The following ATRX variants were observed in gnomAD, a reference collection of about 807,000 sequenced individuals.
The protein encoded by ATRX is chromatin remodeler ATRX.
ATRX carries 12 observed loss-of-function variants against 172.6 expected under a neutral mutation model. The observed-to-expected ratio is 0.07, with a 90% CI of 0.04 to 0.11. The LOEUF (loss-of-function observed/expected upper bound fraction) is 0.11. Ranked by LOEUF, ATRX falls within the 10% of genes least tolerant of loss-of-function variation. The pLI, the probability that ATRX is intolerant of heterozygous loss-of-function variation, is 1.00. For missense variants in ATRX, 1,368 were observed against 1,767.4 expected, an observed-to-expected ratio of 0.77 and a Z score of 4.05; for synonymous variants, 674 against 594.7, an observed-to-expected ratio of 1.13 and a Z score of -1.94.
chrX:77,683,639 C>T lies in ATRX; in HGVS notation c.1617G>A (p.Gln539=), dbSNP rs151072312. 2.4e-5 allele frequency: 29 copies of T among 1,209,911 alleles called. No homozygotes were observed. The highest frequency in any genetic ancestry group is 3.1e-5 in the Non-Finnish European group (28 of 895,056). The change falls in exon 9 of 35, where the codon CAG becomes CAA. Residue 539 remains glutamine (Q), a synonymous_variant. Transcript: ENST00000373344. ...FENLETAMEV[Q]SSVDHQGDGS... is the part of the protein sequence containing the mutation. ...CATCCCCTTGATGATCAACTGAACT[C>T]TGAACTTCCATAGCAGTCTCAAGAT...
chrX:77,543,400 G>A (rs2064095416), intron 30 of ATRX, among the ~76,000 whole-genome samples: 1 of 111,978 alleles, frequency 8.9e-6, no homozygotes, highest in South Asian at 3.7e-4. Context: ...ACAATGTGGC[G>A]ATTCCTCAAG....
rs149232501 is a variant in ATRX, at chrX:77,682,450, C to G, written c.2806G>C (p.Val936Leu). 53 of 1,209,510 alleles carry G rather than the reference C, an allele frequency of 4.4e-5. No homozygotes were observed. In the East Asian group the frequency reaches 1.5e-3, roughly 34 times the overall value. The change falls in exon 9 of 35, where the codon GTT becomes CTT. Residue 936 changes from valine to leucine, a missense_variant. Val to Leu is a conservative substitution (Grantham distance 32). Transcript: ENST00000373344. ...GKEESFTSLE[V>L]RKVAETKEKS... ...TCTTTAGTTTCAGCAACTTTTCTAA[C>G]TTCCAAAGAAGTAAAACTCTCCTCT...
intron 30 of ATRX, among the ~76,000 whole-genome samples, chrX:77,547,566 A>G (rs782018576): frequency 8.9e-6 from 1 of 112,124 alleles, no homozygotes; most frequent in South Asian, 3.7e-4. Flanking sequence ...TGGAGGGAAA[A>G]TAGAAGCATC....
intron 9 of ATRX, 96 bp from the exon 10 acceptor site, chrX:77,676,394 A>ACC: frequency 1.3e-6 from 1 of 764,438 alleles, no homozygotes; most frequent in Non-Finnish European, 1.9e-6. Flanking sequence ...TTTAAAGCAA[A>ACC]CTAAGTGGGG....
intron 27 of ATRX, among the ~76,000 whole-genome samples, chrX:77,580,865 T>C (rs782027762): frequency 8.9e-6 from 1 of 112,011 alleles, no homozygotes; most frequent in Non-Finnish European, 1.9e-5. Flanking sequence ...TATCAAGACA[T>C]AGTACAATAA....
rs191531819 is a variant in ATRX, at chrX:77,713,997, A to G, written c.133+3134T>C. Among the ~76,000 whole-genome samples, 3 of 111,519 alleles carry G rather than the reference A, an allele frequency of 2.7e-5. No individual in the cohort carries two copies. In the East Asian group the frequency reaches 8.5e-4, roughly 32 times the overall value. On this transcript the variant is annotated intron_variant, in intron 2 of 34. Coordinates refer to ENST00000373344, the MANE Select transcript of ATRX (RefSeq NM_000489.6). ...ATCACATGAATCCTTAAAAACAGAA[A>G]AATGTCTCCAGCTGGTAGCAGGTGG...
In ATRX at chrX:77,681,709, C is replaced by G. The variant is rs782114942; in HGVS notation, c.3547G>C (p.Glu1183Gln). The G allele has an allele frequency of 5.0e-6, 6 of 1,205,860 alleles. No homozygotes were observed. In the African/African-American group the frequency reaches 5.3e-5, roughly 11 times the overall value. The change falls in exon 9 of 35, where the codon GAG becomes CAG. Residue 1183 changes from glutamate (E) to glutamine (Q), a missense_variant. By Grantham distance (29) the Glu-to-Gln change is conservative. This residue lies in a region of ATRX where 843 missense variants were observed against 643.1 expected (regional missense o/e 1.31). Coordinates refer to ENST00000373344, the MANE Select transcript of ATRX (RefSeq NM_000489.6). ...SSKKKAVIVK[E>Q]KKRNSLRTST... ...GTTCTTAGGGAGTTTCTCTTTTTCT[C>G]CTTGACAATGACTGCCTTCTTTTTA...
chrX:77,506,513 T>C lies in ATRX; in HGVS notation c.*1838A>G, dbSNP rs1159834463. The C allele has an allele frequency of 5.7e-6, 1 of 173,985 alleles. No individual in the cohort carries two copies. The highest frequency in any genetic ancestry group is 1.1e-5 in the Non-Finnish European group (1 of 91,128). 14.3% of individuals were successfully genotyped at this position (173,985 alleles called of 1,213,427 possible). On this transcript the variant is annotated 3_prime_UTR_variant, in exon 35 of 35. Transcript: ENST00000373344. Reference sequence around the variant, plus strand: ...TCAGGTTTAAAATATTCTGAACTTGTAGAAATACCAACTGGTAACAGTTGG... The same window carrying C: ...TCAGGTTTAAAATATTCTGAACTTGCAGAAATACCAACTGGTAACAGTTGG...
intron 7 of ATRX, among the ~76,000 whole-genome samples, 161 bp from the exon 8 acceptor site, chrX:77,685,167 C>T (rs1300600461): frequency 8.9e-6 from 1 of 111,760 alleles, no homozygotes; most frequent in Non-Finnish European, 1.9e-5. Context: ...GCTCAGGCAA[C>T]CAAAGCAAAA....
chrX:77,738,956 T>A (rs1273294305), intron 1 of ATRX, among the ~76,000 whole-genome samples: 3 of 111,885 alleles, frequency 2.7e-5, no homozygotes, highest in Non-Finnish European at 5.6e-5. Flanking sequence ...TTTGCCATCT[T>A]TGTTACTGTC....
chrX:77,680,751 A>G (rs2071141166), intron 9 of ATRX, among the ~76,000 whole-genome samples: 1 of 111,812 alleles, frequency 8.9e-6, no homozygotes, highest in Admixed American at 9.5e-5. Context: ...CTGACTAAAA[A>G]AAAAGACAAA....
chrX:77,746,742 T>C (rs1465084091), intron 1 of ATRX, among the ~76,000 whole-genome samples: 2 of 112,278 alleles, frequency 1.8e-5, no homozygotes, highest in Non-Finnish European at 3.8e-5. Flanking sequence ...TAATCTGGGA[T>C]TAATAACATA....
chrX:77,522,378 A>T lies in ATRX; in HGVS notation c.6860T>A (p.Met2287Lys). The change falls in exon 32 of 35, where the codon ATG becomes AAG. Residue 2287 changes from methionine to lysine, a missense_variant. By Grantham distance (95) the Met-to-Lys change is moderately conservative (BLOSUM62 -1). Coordinates refer to ENST00000373344, the MANE Select transcript of ATRX (RefSeq NM_000489.6). ...GGTCCCAGTTGGTATGTTGAAACGCATGGTCAGTCCCTAAAAACAAAAAAA... is the reference window on the plus strand; with the variant it reads ...GGTCCCAGTTGGTATGTTGAAACGCTTGGTCAGTCCCTAAAAACAAAAAAA... ...EYEAEKKGLT[M>K]RFNIPTGTNL... is the part of the protein sequence containing the mutation. 2.5e-6 allele frequency: 3 copies of T among 1,210,543 alleles called. No individual in the cohort carries two copies. The highest frequency in any genetic ancestry group is 3.4e-6 in the Non-Finnish European group (3 of 894,592).
intron 34 of ATRX, among the ~76,000 whole-genome samples, chrX:77,513,333 A>AG (rs2041588579): frequency 9.3e-6 from 1 of 108,000 alleles, no homozygotes; most frequent in Non-Finnish European, 1.9e-5. Context: ...AAAAAAAAAA[A>AG]AAAAAAAAGA....
At position 77,698,629 on chromosome X, in the gene ATRX, T is replaced by C; in HGVS notation, c.134A>G (p.Asp45Gly). 8.4e-7 allele frequency: 1 copy of C among 1,195,495 alleles called. No individual in the cohort carries two copies. The highest frequency in any genetic ancestry group is 1.1e-6 in the Non-Finnish European group (1 of 880,941). Residue 45 changes from aspartate (D) to glycine (G), a missense_variant and splice_region_variant, in exon 3 of 35, where the codon GAT becomes GGT. Asp to Gly is a moderately conservative substitution (Grantham distance 94, BLOSUM62 -1). This residue lies in a region of ATRX where 84 missense variants were observed against 82.8 expected (regional missense o/e 1.01). Transcript: ENST00000373344. ...GTTACTTCCAGAACCACTGATTTTA[T>C]CTAAAAAAGAAGAAATAAAGAACAT... is the stretch of plus-strand genomic sequence containing the variant. ...PPRLAMNQNT[D>G]KISGSGSNSD...
At position 77,652,095 on chromosome X, in the gene ATRX, G is replaced by A. The variant is rs781857296; in HGVS notation, c.4557+19C>T. On this transcript the variant is annotated intron_variant, in intron 15 of 34. Coordinates refer to ENST00000373344, the MANE Select transcript of ATRX (RefSeq NM_000489.6). ...CCCTGTAGCTACAAAAGAAAAAGAAGAAGAAAGAAATTAGTTACCTCTCTC... is the reference window on the plus strand; with the variant it reads ...CCCTGTAGCTACAAAAGAAAAAGAAAAAGAAAGAAATTAGTTACCTCTCTC... 54 of 1,205,909 alleles carry A rather than the reference G, an allele frequency of 4.5e-5. No individual in the cohort carries two copies. The highest frequency in any genetic ancestry group is 2.3e-4 in the Middle Eastern group (1 of 4,365).
rs184657699 is a variant in ATRX, at chrX:77,543,963, T to C, written c.6699+13488A>G. Among the ~76,000 whole-genome samples the C allele has an allele frequency of 4.5e-3, 491 of 108,962 alleles. 4 individuals carry two copies. Among genetic ancestry groups the C allele is most frequent in the Non-Finnish European group, 6.1e-3 (319 of 52,496 alleles). 94.6% of individuals were successfully genotyped at this position (108,962 alleles called of 115,157 possible). A position where few individuals can be genotyped will look rare whatever the true frequency, so the allele number is the denominator to read the frequency against. ...CCCAGAACTTAGAATATTAAATATA[T>C]ATATATATATATTGGACACAAGCAG... On this transcript the variant is annotated intron_variant, in intron 30 of 34. Transcript: ENST00000373344.
chrX:77,523,046 G>A (rs1390896756), intron 31 of ATRX, among the ~76,000 whole-genome samples: 2 of 111,034 alleles, frequency 1.8e-5, no homozygotes, highest in Non-Finnish European at 3.8e-5. Context: ...CTCTTTAAGT[G>A]TAAACTGTTT....
chrX:77,749,089 T>G (rs1215966438), intron 1 of ATRX, among the ~76,000 whole-genome samples: 1 of 110,772 alleles, frequency 9.0e-6, no homozygotes, highest in East Asian at 2.8e-4. Flanking sequence ...ATAGGTAATT[T>G]TTCAACCCTC....
Sources: gnomAD v4.1 joint callset for allele counts (sites outside exome capture counted in the v4.1 genomes callset) on GRCh38, gnomAD v4.1.1 for gene constraint, gnomAD v4.1.1 regional missense constraint, MANE v1.5 for transcripts, NCBI Gene and HGNC (gene_info 2026-07-23, HGNC 2026-07-21) for gene names.